The following SPC25 variants were observed in gnomAD, a reference collection of about 807,000 sequenced individuals.
SPC25 encodes SPC25 component of NDC80 kinetochore complex.
A neutral mutation model predicts 29.6 loss-of-function variants in SPC25; 22 were observed. The ratio of observed to expected loss-of-function variants is 0.74; its 90% CI spans 0.53 to 1.06. The LOEUF (loss-of-function observed/expected upper bound fraction) is 1.06, where lower values mean the gene tolerates loss of function less well. SPC25 is among the 50% of genes least tolerant of loss of function. The pLI, the probability that SPC25 is intolerant of heterozygous loss-of-function variation, is 0.00. For missense variants in SPC25, 230 were observed against 255.8 expected, an observed-to-expected ratio of 0.90 and a Z score of 0.69; for synonymous variants, 91 against 90.4, an observed-to-expected ratio of 1.01 and a Z score of -0.04.
downstream of SPC25, among the ~76,000 whole-genome samples, chr2:168,868,174 A>G (rs1689904073): frequency 6.6e-6 from 1 of 152,264 alleles, no homozygotes; most frequent in Non-Finnish European, 1.5e-5. Flanking sequence ...AAGACACAAC[A>G]TACCAGAATC....
At chr2:168,880,913 T>A (rs553290141) in intron 3 of SPC25, among the ~76,000 whole-genome samples, 14 of 152,140 alleles carry the variant, frequency 9.2e-5, no homozygotes, top group Non-Finnish European at 1.8e-4. Flanking sequence ...AATAGTAACG[T>A]CAAAGATCAC....
rs1491204752 is a variant in SPC25 at position 168,889,010 on chromosome 2, T to TATAC, written c.199+215_199+216insGTAT. Among the ~76,000 whole-genome samples the TATAC allele has an allele frequency of 3.8e-3, 470 of 124,168 alleles. 8 individuals are homozygous for TATAC. Among genetic ancestry groups the TATAC allele is most frequent in the African/African-American group, 0.015 (427 of 27,950 alleles). 81.5% of individuals were successfully genotyped at this position (124,168 alleles called of 152,430 possible). On this transcript the variant is annotated intron_variant, in intron 3 of 6. Coordinates refer to ENST00000282074, the MANE Select transcript of SPC25 (RefSeq NM_020675.4). Reference sequence around the variant, plus strand: ...ATATATGTATATATATACACATATATGTATATATATACACATATATATACA... The same window carrying TATAC: ...ATATATGTATATATATACACATATATATACGTATATATATACACATATATATACA...
intron 4 of SPC25, chr2:168,861,860 A>T: frequency 9.3e-7 from 1 of 1,072,726 alleles, no homozygotes; most frequent in South Asian, 1.5e-5. Flanking sequence ...AATTTAATAT[A>T]TTGAAACTCT....
downstream of SPC25, among the ~76,000 whole-genome samples, chr2:168,867,595 A>G (rs1177935768): frequency 6.6e-6 from 1 of 152,284 alleles, no homozygotes; most frequent in Non-Finnish European, 1.5e-5. Context: ...CCTAGTCTCG[A>G]ATAAAACAGA....
intron 4 of SPC25, chr2:168,863,257 G>GTCAATTTACTGACGAGGGAGAACT (rs1181780074): frequency 3.6e-6 from 1 of 273,974 alleles, no homozygotes; most frequent in African/African-American, 2.3e-5. Context: ...AATAGATTAT[G>GTCAATTTACTGACGAGGGAGAACT]TCAATTTACT....
intron 4 of SPC25, among the ~76,000 whole-genome samples, chr2:168,876,775 A>G (rs144957351): frequency 1.4e-4 from 21 of 152,244 alleles, no homozygotes; most frequent in African/African-American, 4.3e-4. Context: ...TAGACTACCT[A>G]GTTTGTGAGC....
At chr2:168,866,927 C>T (rs188044874), downstream of SPC25, among the ~76,000 whole-genome samples, 734 of 152,266 alleles carry the variant, frequency 4.8e-3, 5 homozygotes, top group East Asian at 0.054. Flanking sequence ...AATGAGATAC[C>T]ATCTCACACC....
Position 168,889,418 on chromosome 2 carries a change from ATC to A in SPC25, c.100_101del (p.Asp34TyrfsTer25). On this transcript the variant is annotated frameshift_variant, in exon 2 of 7. Coordinates refer to ENST00000282074, the MANE Select transcript of SPC25 (RefSeq NM_020675.4). LOFTEE classifies it high-confidence loss of function. The part of the protein sequence containing the change: ...DTSCQMAGLR[D>X]TYKDSIKAFA... ...ATGCTTTGATGGAATCCTTGTAGGT[ATC>A]TCTTAGTCCCGCCATCTGACAGGAG... The A allele has an allele frequency of 6.2e-7, 1 of 1,614,184 alleles. No individual in the cohort carries two copies. Among genetic ancestry groups the A allele is most frequent in the Non-Finnish European group, 8.5e-7 (1 of 1,180,036 alleles).
intron 4 of SPC25, chr2:168,863,547 T>C (rs1689619458): frequency 1.0e-6 from 1 of 985,222 alleles, no homozygotes; most frequent in African/African-American, 1.7e-5. Flanking sequence ...TCTATGGAAT[T>C]CTCTTTATTT....
At chr2:168,879,943 G>A (rs1690148546) in intron 3 of SPC25, among the ~76,000 whole-genome samples, 1 of 152,168 alleles carries the variant, frequency 6.6e-6, no homozygotes, top group Non-Finnish European at 1.5e-5. Context: ...CTGAGTAGAA[G>A]GCCTCAACAG....
chr2:168,883,929 C>A (rs1484832866), intron 3 of SPC25, among the ~76,000 whole-genome samples: 1 of 152,068 alleles, frequency 6.6e-6, no homozygotes, highest in Non-Finnish European at 1.5e-5. Context: ...CACCACCACG[C>A]CCAGCTAATT....
downstream of SPC25, among the ~76,000 whole-genome samples, chr2:168,870,282 A>G (rs1306180936): frequency 6.6e-6 from 1 of 151,780 alleles, no homozygotes; most frequent in East Asian, 1.9e-4. Context: ...AATACCATTC[A>G]GGACATAGGC....
intron 4 of SPC25, chr2:168,862,168 T>C (rs1406941641): frequency 2.5e-6 from 2 of 813,976 alleles, no homozygotes; most frequent in Non-Finnish European, 4.0e-6. Flanking sequence ...CAGTTCACCC[T>C]TCTTGAAAGA....
At chr2:168,861,808 G>T in intron 4 of SPC25, 1 of 660,162 alleles carries the variant, frequency 1.5e-6, no homozygotes. Flanking sequence ...TTGAATCAAG[G>T]AATGAACATT....
intron 6 of SPC25, 22 bp downstream of exon 6, chr2:168,873,563 G>C (rs754510112): frequency 1.3e-6 from 2 of 1,521,720 alleles, no homozygotes; most frequent in Non-Finnish European, 1.8e-6. Flanking sequence ...TTAAATACCA[G>C]TTAGGAGATA....
At chr2:168,882,761 AACAG>A (rs1387913398) in intron 3 of SPC25, among the ~76,000 whole-genome samples, 17 of 152,198 alleles carry the variant, frequency 1.1e-4, no homozygotes, top group Non-Finnish European at 1.5e-4. Flanking sequence ...CTAAGAAAAA[AACAG>A]ACAAAGGGAT....
In SPC25 at chr2:168,888,926, T is replaced by TGTAC. The variant is rs1690321990; in HGVS notation, c.199+299_199+300insGTAC. On this transcript the variant is annotated intron_variant, in intron 3 of 6. Transcript: ENST00000282074. ...ACAGGCATGAGCCACTACATGTACG[T>TGTAC]GTGTGTGTGTGTGTGTGTGTGTGTG... Among the ~76,000 whole-genome samples, 4 of 25,404 alleles carry TGTAC rather than the reference T, an allele frequency of 1.6e-4. No individual in the cohort carries two copies. The South Asian group carries it at 7.8e-3, about 49-fold the overall frequency. The allele number at this position is 25,404 out of a possible 152,430, so 16.7% of individuals were successfully genotyped here. A position where few individuals can be genotyped will look rare whatever the true frequency, so the allele number is the denominator to read the frequency against.
At chr2:168,870,642 C>A (rs1559152163), downstream of SPC25, among the ~76,000 whole-genome samples, 1 of 151,010 alleles carries the variant, frequency 6.6e-6, no homozygotes, top group Non-Finnish European at 1.5e-5. Context: ...AAATGCAAAT[C>A]AAAACCACAA....
chr2:168,870,535 A>G (rs1484822802), downstream of SPC25, among the ~76,000 whole-genome samples: 1 of 151,952 alleles, frequency 6.6e-6, no homozygotes, highest in Admixed American at 6.5e-5. Context: ...ACCCCATCAA[A>G]AAGTGGGCGA....
Sources: allele counts gnomAD v4.1 joint callset (sites outside exome capture counted in the v4.1 genomes callset), GRCh38; gene constraint gnomAD v4.1.1; transcripts MANE v1.5; gene names NCBI Gene and HGNC (gene_info 2026-07-23, HGNC 2026-07-21).